The following LRBA variants were observed in gnomAD, a reference collection of about 807,000 sequenced individuals.
The protein encoded by LRBA is LPS responsive beige-like anchor protein.
LRBA carries 176 observed loss-of-function variants against 330.0 expected under a neutral mutation model. That is an observed-to-expected ratio of 0.53 (90% CI 0.47 to 0.60). The LOEUF is 0.60. Ranked by LOEUF, LRBA falls within the 20% of genes least tolerant of loss-of-function variation. The pLI, the probability that LRBA is intolerant of heterozygous loss-of-function variation, is 0.00. For missense variants in LRBA, 3,259 were observed against 3,444.8 expected (o/e 0.95, Z 1.35); for synonymous variants, 1,230 against 1,193.0 (o/e 1.03, Z -0.64).
At chr4:150,674,492 G>T (rs1782356536) in intron 37 of LRBA, among the ~76,000 whole-genome samples, 1 of 152,060 alleles carries the variant, frequency 6.6e-6, no homozygotes, top group African/African-American at 2.4e-5. Context: ...CACTTCACAG[G>T]GTTGTTGTGA....
intron 46 of LRBA, among the ~76,000 whole-genome samples, chr4:150,425,530 C>T (rs1749464421): frequency 6.6e-6 from 1 of 152,162 alleles, no homozygotes; most frequent in South Asian, 2.1e-4. Context: ...TCACAAATCC[C>T]AAGGCTTTCA....
intron 52 of LRBA, among the ~76,000 whole-genome samples, chr4:150,307,368 T>C (rs760349473): frequency 7.9e-5 from 12 of 152,058 alleles, no homozygotes; most frequent in Admixed American, 1.3e-4. Context: ...GTTTGCACTG[T>C]AAACCAAAAA....
chr4:150,606,393 C>A (rs1581796711), intron 37 of LRBA, among the ~76,000 whole-genome samples: 2 of 152,146 alleles, frequency 1.3e-5, no homozygotes, highest in Admixed American at 6.5e-5. Flanking sequence ...ATTATACTGT[C>A]CCCAAATATC....
chr4:150,515,141 T>C (rs1160278621), intron 40 of LRBA, among the ~76,000 whole-genome samples: 2 of 152,168 alleles, frequency 1.3e-5, no homozygotes, highest in East Asian at 1.9e-4. Flanking sequence ...TGAATAAAGA[T>C]ACAACACTCT....
At chr4:150,848,022 T>C (rs1257979531) in intron 26 of LRBA, among the ~76,000 whole-genome samples, 1 of 141,470 alleles carries the variant, frequency 7.1e-6, no homozygotes, top group East Asian at 2.0e-4. Context: ...TCTATAACCC[T>C]TTTTTTTTTT....
At chr4:150,536,069 T>C (rs1385535174) in intron 40 of LRBA, among the ~76,000 whole-genome samples, 1 of 151,958 alleles carries the variant, frequency 6.6e-6, no homozygotes, top group Non-Finnish European at 1.5e-5. Flanking sequence ...AGCAAGTAAA[T>C]AGATAAGTGC....
At chr4:150,706,924 A>C (rs1329463966) in intron 36 of LRBA, among the ~76,000 whole-genome samples, 1 of 151,858 alleles carries the variant, frequency 6.6e-6, no homozygotes, top group African/African-American at 2.4e-5. Context: ...TGCAAGTGAC[A>C]AAAGTCCAAA....
chr4:150,459,386 C>G (rs1754481183), intron 44 of LRBA, among the ~76,000 whole-genome samples: 2 of 151,814 alleles, frequency 1.3e-5, no homozygotes, highest in South Asian at 4.1e-4. Context: ...AGATATAAAG[C>G]AAGTATTGAA....
intron 48 of LRBA, among the ~76,000 whole-genome samples, chr4:150,343,505 T>C (rs1304342461): frequency 6.6e-6 from 1 of 152,236 alleles, no homozygotes; most frequent in Non-Finnish European, 1.5e-5. Context: ...ATAAATGAAT[T>C]AGTAATGAAT....
chr4:150,752,544 G>A (rs1180715167), intron 35 of LRBA, among the ~76,000 whole-genome samples: 1 of 152,056 alleles, frequency 6.6e-6, no homozygotes, highest in Non-Finnish European at 1.5e-5. Context: ...TTTCTCGGTT[G>A]AAATTTAGCC....
At chr4:150,830,450 AC>A (rs1362674060) in intron 29 of LRBA, among the ~76,000 whole-genome samples, 2 of 152,064 alleles carry the variant, frequency 1.3e-5, no homozygotes. Context: ...CAGACACACA[AC>A]CCCAGCTCAG....
chr4:150,335,405 GTA>G (rs752012342), intron 48 of LRBA, among the ~76,000 whole-genome samples: 2 of 147,800 alleles, frequency 1.4e-5, no homozygotes. Context: ...GTGTGGCTGT[GTA>G]TATATATATA....
chr4:150,713,805 T>C (rs974521770), intron 36 of LRBA, among the ~76,000 whole-genome samples: 1 of 152,186 alleles, frequency 6.6e-6, no homozygotes, highest in African/African-American at 2.4e-5. Context: ...AACAGTGAAA[T>C]AGAGACACTT....
In LRBA at chr4:150,831,771, C is replaced by T; in HGVS notation, c.4729+46G>A. Reference sequence around the variant, plus strand: ...TATTTTAACCATCAAAAGTAAGTAACATTTATTTGAACTTTGGTACAAAGG... The same window carrying T: ...TATTTTAACCATCAAAAGTAAGTAATATTTATTTGAACTTTGGTACAAAGG... On this transcript the variant is annotated intron_variant, in intron 29 of 56. Coordinates refer to ENST00000651943, the MANE Select transcript of LRBA (RefSeq NM_001364905.1). The T allele has an allele frequency of 2.8e-6, 4 of 1,431,930 alleles. No individual in the cohort carries two copies. In the South Asian group the frequency reaches 4.5e-5, roughly 16 times the overall value. 88.7% of individuals were successfully genotyped at this position (1,431,930 alleles called of 1,614,324 possible). A position where few individuals can be genotyped will look rare whatever the true frequency, so the allele number is the denominator to read the frequency against.
chr4:150,928,341 T>C (rs1180771320), intron 4 of LRBA, among the ~76,000 whole-genome samples, 175 bp downstream of exon 4: 1 of 152,230 alleles, frequency 6.6e-6, no homozygotes, highest in Non-Finnish European at 1.5e-5. Context: ...TCTTAGTGCA[T>C]ACTCTTAGTG....
At chr4:150,985,360 TA>T (rs1741331040) in intron 2 of LRBA, among the ~76,000 whole-genome samples, 2 of 151,900 alleles carry the variant, frequency 1.3e-5, no homozygotes, top group Non-Finnish European at 2.9e-5. Context: ...ATGGAACTAG[TA>T]AAATCAAAAT....
intron 48 of LRBA, among the ~76,000 whole-genome samples, chr4:150,336,865 C>T (rs906502876): frequency 1.2e-4 from 19 of 152,294 alleles, no homozygotes; most frequent in African/African-American, 3.6e-4. Flanking sequence ...CAGAAACAAA[C>T]GTCACTCAAT....
In LRBA at chr4:150,410,929, T is replaced by A. The variant is rs957957401; in HGVS notation, c.7194+4509A>T. Among the ~76,000 whole-genome samples, 5 of 152,268 alleles carry A rather than the reference T, an allele frequency of 3.3e-5. No individual in the cohort carries two copies. In the South Asian group the frequency reaches 1.0e-3, roughly 32 times the overall value. On this transcript the variant is annotated intron_variant, in intron 47 of 56. Transcript: ENST00000651943. ...TAATATGTAGGTCCAAACATTGACA[T>A]TATATCATAAGAGACAGATGATGGG... is the stretch of plus-strand genomic sequence containing the variant.
intron 4 of LRBA, among the ~76,000 whole-genome samples, chr4:150,921,573 T>C (rs1353651018): frequency 6.6e-6 from 1 of 152,066 alleles, no homozygotes; most frequent in African/African-American, 2.4e-5. Flanking sequence ...TGATCTTTTT[T>C]TTTTCTTTTT....
Sources: gnomAD v4.1 joint callset for allele counts (sites outside exome capture counted in the v4.1 genomes callset) on GRCh38, gnomAD v4.1.1 for gene constraint, MANE v1.5 for transcripts, NCBI Gene and HGNC (gene_info 2026-07-23, HGNC 2026-07-21) for gene names.